Variants in PPP1R42 observed in about 807,000 individuals in gnomAD.
The protein encoded by PPP1R42 is leucine rich repeat containing 67.
PPP1R42 carries 34 observed loss-of-function variants against 31.0 expected under a neutral mutation model. The ratio of observed to expected loss-of-function variants is 1.10; its 90% CI spans 0.83 to 1.46. The LOEUF (loss-of-function observed/expected upper bound fraction) is 1.46, where lower values mean the gene tolerates loss of function less well. Ranked by LOEUF, PPP1R42 falls within the 40% of genes most tolerant of loss-of-function variation. The probability of loss-of-function intolerance (pLI) is 0.00; values close to 1 mark genes in which losing one functional copy is unlikely to be tolerated. For synonymous variants in PPP1R42, 103 were observed against 109.8 expected (o/e 0.94, Z 0.39); for missense variants, 268 against 303.0 (o/e 0.88, Z 0.86).
At chr8:66,982,402 G>A (rs865810768) in intron 6 of PPP1R42, among the ~76,000 whole-genome samples, 4 of 151,934 alleles carry the variant, frequency 2.6e-5, no homozygotes, top group South Asian at 2.1e-4. Flanking sequence ...TATAAACAAT[G>A]GAAATATCAT....
chr8:66,967,318 A>G (rs575796695), intron 7 of PPP1R42, among the ~76,000 whole-genome samples: 1 of 152,270 alleles, frequency 6.6e-6, no homozygotes, highest in African/African-American at 2.4e-5. Flanking sequence ...TTTTTGGGAA[A>G]GAGGGGGGAC....
At chr8:66,986,231 C>T (rs771729385) in intron 6 of PPP1R42, 39 of 536,570 alleles carry the variant, frequency 7.3e-5, no homozygotes, top group African/African-American at 1.7e-4. Flanking sequence ...TGAGCCACCG[C>T]GCCCTGCCTG....
Position 67,017,828 on chromosome 8 carries a change from C to A in PPP1R42, c.-81G>T, listed in dbSNP as rs1816063103. On this transcript the variant is annotated 5_prime_UTR_variant, in exon 2 of 8. Transcript: ENST00000685739. ...AAGTAGGTTTAGGTATTATTTCCAA[C>A]TTTCTGAAGATTAAAGAAAAAAGGA... 1.4e-6 allele frequency: 2 copies of A among 1,390,728 alleles called. No individual in the cohort carries two copies. The highest frequency in any genetic ancestry group is 4.1e-5 in the South Asian group (2 of 49,182). 86.1% of individuals were successfully genotyped at this position (1,390,728 alleles called of 1,614,324 possible).
intron 2 of PPP1R42, among the ~76,000 whole-genome samples, chr8:67,016,167 A>G (rs933352894): frequency 6.6e-6 from 1 of 152,166 alleles, no homozygotes; most frequent in Non-Finnish European, 1.5e-5. Flanking sequence ...CTAGAATGGG[A>G]GCTGGGTTGG....
At chr8:67,011,139 A>G (rs1815832638) in intron 4 of PPP1R42, among the ~76,000 whole-genome samples, 1 of 152,240 alleles carries the variant, frequency 6.6e-6, no homozygotes, top group Non-Finnish European at 1.5e-5. Context: ...GCAAAGAAAG[A>G]AAAAAAGATG....
intron 7 of PPP1R42, among the ~76,000 whole-genome samples, chr8:66,981,243 G>A (rs1563416181): frequency 6.6e-6 from 1 of 152,118 alleles, no homozygotes; most frequent in East Asian, 1.9e-4. Flanking sequence ...TTGGTATGTC[G>A]TTTGTAACAC....
chr8:66,999,574 T>A (rs1447576849), intron 5 of PPP1R42, among the ~76,000 whole-genome samples: 1 of 152,138 alleles, frequency 6.6e-6, no homozygotes, highest in Admixed American at 6.6e-5. Flanking sequence ...GGTTTTGAAC[T>A]CCTGAGCGCA....
chr8:66,988,181 A>G lies in PPP1R42; in HGVS notation c.670+219T>C, dbSNP rs183397003. ...AATAGCAAAATATCCTCCTTAAGGA[A>G]TAAGTATCAGGTGCTTTAATTACTT... On this transcript the variant is annotated intron_variant, in intron 6 of 7. Transcript: ENST00000685739. 67 of 1,166,048 alleles carry G rather than the reference A, an allele frequency of 5.7e-5. No homozygotes were observed. The Admixed American group carries it at 2.1e-3, about 36-fold the overall frequency. 72.2% of individuals were successfully genotyped at this position (1,166,048 alleles called of 1,614,324 possible).
chr8:66,975,352 A>G (rs1313134926), intron 7 of PPP1R42, among the ~76,000 whole-genome samples: 2 of 152,170 alleles, frequency 1.3e-5, no homozygotes, highest in African/African-American at 4.8e-5. Context: ...ATATGACTTT[A>G]AACATTGTTT....
intron 6 of PPP1R42, among the ~76,000 whole-genome samples, chr8:66,986,763 G>A (rs993665088): frequency 6.6e-6 from 1 of 152,198 alleles, no homozygotes; most frequent in African/African-American, 2.4e-5. Context: ...GAAGAGTGAG[G>A]CTTCTGCGTT....
intron 1 of PPP1R42, among the ~76,000 whole-genome samples, chr8:67,028,191 T>C (rs1429502522): frequency 1.3e-5 from 2 of 152,142 alleles, no homozygotes; most frequent in African/African-American, 4.8e-5. Context: ...CTCAGGCTTT[T>C]CAAAACCCTT....
chr8:66,989,934 T>C (rs1332653181), intron 5 of PPP1R42, among the ~76,000 whole-genome samples: 1 of 152,212 alleles, frequency 6.6e-6, no homozygotes, highest in East Asian at 1.9e-4. Context: ...TTGCCTGCCC[T>C]GCTACCTCTT....
At chr8:66,993,366 TC>T (rs1316093546) in intron 5 of PPP1R42, among the ~76,000 whole-genome samples, 1 of 152,222 alleles carries the variant, frequency 6.6e-6, no homozygotes, top group Non-Finnish European at 1.5e-5. Context: ...CTCCACTGGC[TC>T]CTCATTGTTC....
chr8:67,028,217 C>T (rs1816460602), intron 1 of PPP1R42, among the ~76,000 whole-genome samples: 1 of 152,138 alleles, frequency 6.6e-6, no homozygotes. Context: ...TCAAACTCAG[C>T]TCCACGCCCA....
chr8:67,010,610 C>T (rs1461437949), intron 5 of PPP1R42, 105 bp downstream of exon 5: 2 of 752,626 alleles, frequency 2.7e-6, no homozygotes, highest in Non-Finnish European at 4.4e-6. Flanking sequence ...AGAACAAATC[C>T]AGAGTAGTTT....
chr8:67,019,909 AC>A (rs1464650145), intron 1 of PPP1R42, among the ~76,000 whole-genome samples: 5 of 151,756 alleles, frequency 3.3e-5, no homozygotes, highest in Non-Finnish European at 5.9e-5. Flanking sequence ...AACCAAAAAA[AC>A]AAACAAACAA....
At position 67,028,530 on chromosome 8, in the gene PPP1R42, G is replaced by T. The variant is rs1178650027; in HGVS notation, c.-124C>A. The T allele has an allele frequency of 2.4e-5, 24 of 985,518 alleles. No individual in the cohort carries two copies. The highest frequency in any genetic ancestry group is 2.9e-5 in the Non-Finnish European group (24 of 829,962). The allele number at this position is 985,518 out of a possible 1,614,324, so 61.0% of individuals were successfully genotyped here. On this transcript the variant is annotated 5_prime_UTR_variant, in exon 1 of 8. Coordinates refer to ENST00000685739, the MANE Select transcript of PPP1R42 (RefSeq NM_001364910.1). ...TCCGGTAGCTAACTCCAGTTTGGTC[G>T]GTTTCATCGGCGCCGGGTCCCTACG... is the stretch of plus-strand genomic sequence containing the variant.
At chr8:67,003,901 T>A (rs192329514) in intron 5 of PPP1R42, among the ~76,000 whole-genome samples, 2 of 152,218 alleles carry the variant, frequency 1.3e-5, no homozygotes, top group African/African-American at 4.8e-5. Flanking sequence ...CCATCCTGGC[T>A]AAGACGGTGA....
intron 1 of PPP1R42, among the ~76,000 whole-genome samples, chr8:67,022,424 G>T (rs1816250754): frequency 2.0e-5 from 3 of 152,094 alleles, no homozygotes; most frequent in Admixed American, 2.0e-4. Flanking sequence ...TTGATAATAT[G>T]TGTTGCAAAT....
Sources: gnomAD v4.1 joint callset for allele counts (sites outside exome capture counted in the v4.1 genomes callset) on GRCh38, gnomAD v4.1.1 for gene constraint, MANE v1.5 for transcripts, NCBI Gene and HGNC (gene_info 2026-07-23, HGNC 2026-07-21) for gene names.